CSMD2: variants seen among roughly 807,000 people sequenced by gnomAD.
CSMD2 encodes CUB and sushi domain-containing protein 2.
CSMD2 carries 130 observed loss-of-function variants against 398.5 expected under a neutral mutation model. That is an observed-to-expected ratio of 0.33 (90% CI 0.28 to 0.38). The LOEUF (loss-of-function observed/expected upper bound fraction) is 0.38, where lower values mean the gene tolerates loss of function less well. CSMD2 is among the 10% of genes least tolerant of loss of function. The probability of loss-of-function intolerance (pLI) is 1.00; values close to 1 mark genes in which losing one functional copy is unlikely to be tolerated. For synonymous variants in CSMD2, 1,828 were observed against 1,908.5 expected (o/e 0.96, Z 1.10); for missense variants, 3,829 against 4,764.9 (o/e 0.80, Z 5.78).
At chr1:34,092,243 G>A (rs918033310) in intron 1 of CSMD2, among the ~76,000 whole-genome samples, 3 of 152,146 alleles carry the variant, frequency 2.0e-5, no homozygotes, top group African/African-American at 7.2e-5. Flanking sequence ...AATCTTGAGT[G>A]GATACAGAAA....
At chr1:33,783,382 C>G (rs1390650162) in intron 12 of CSMD2, among the ~76,000 whole-genome samples, 1 of 151,516 alleles carries the variant, frequency 6.6e-6, no homozygotes, top group Non-Finnish European at 1.5e-5. Flanking sequence ...GGGCCCCGAT[C>G]TGAGAGGATG....
At chr1:34,055,544 C>G (rs1299403172) in intron 2 of CSMD2, among the ~76,000 whole-genome samples, 5 of 152,138 alleles carry the variant, frequency 3.3e-5, no homozygotes, top group African/African-American at 1.2e-4. Context: ...GCTAATGTGG[C>G]TCATAGGACT....
chr1:33,822,185 C>T (rs1412090364), intron 7 of CSMD2, among the ~76,000 whole-genome samples: 2 of 152,060 alleles, frequency 1.3e-5, no homozygotes, highest in Non-Finnish European at 2.9e-5. Context: ...CAACAAGAGC[C>T]TGGAGTGAGG....
chr1:33,915,536 T>C (rs1643678680), intron 5 of CSMD2, among the ~76,000 whole-genome samples: 1 of 152,208 alleles, frequency 6.6e-6, no homozygotes, highest in Non-Finnish European at 1.5e-5. Context: ...CCTTCCCCAC[T>C]GAGTGACTTA....
chr1:33,900,563 G>A (rs1173930978), intron 5 of CSMD2, among the ~76,000 whole-genome samples: 1 of 152,212 alleles, frequency 6.6e-6, no homozygotes, highest in African/African-American at 2.4e-5. Context: ...GATCACCTGA[G>A]GTTAGGAGTT....
intron 3 of CSMD2, among the ~76,000 whole-genome samples, chr1:33,997,472 C>T (rs494514): frequency 0.025 from 3,823 of 152,222 alleles, 157 homozygotes; most frequent in African/African-American, 0.085. Flanking sequence ...ATGTTGGGAC[C>T]GCATCCCAGC....
chr1:33,893,730 T>C (rs1642200637), intron 5 of CSMD2, among the ~76,000 whole-genome samples: 1 of 152,224 alleles, frequency 6.6e-6, no homozygotes, highest in Admixed American at 6.5e-5. Context: ...CAGCAGACTG[T>C]CTTGCATTCC....
At chr1:33,881,330 G>A (rs1393070561) in intron 5 of CSMD2, among the ~76,000 whole-genome samples, 1 of 152,160 alleles carries the variant, frequency 6.6e-6, no homozygotes, top group Non-Finnish European at 1.5e-5. Context: ...TACTAAATAA[G>A]TAATTATTAA....
intron 1 of CSMD2, among the ~76,000 whole-genome samples, chr1:34,133,468 T>C (rs1638360544): frequency 6.6e-6 from 1 of 151,838 alleles, no homozygotes; most frequent in Admixed American, 6.6e-5. Context: ...CTGTCTCTAC[T>C]AAAAATACAA....
intron 2 of CSMD2, among the ~76,000 whole-genome samples, chr1:34,037,748 C>T (rs987518579): frequency 6.6e-6 from 1 of 152,220 alleles, no homozygotes; most frequent in Non-Finnish European, 1.5e-5. Context: ...ATGAAGTCCT[C>T]TCTGAGAATG....
At chr1:33,558,281 C>T (rs956040036) in intron 54 of CSMD2, among the ~76,000 whole-genome samples, 10 of 152,232 alleles carry the variant, frequency 6.6e-5, no homozygotes, top group African/African-American at 1.9e-4. Context: ...CACAATGTGC[C>T]TCCCACAGCA....
rs142118942 is a variant in CSMD2 at position 33,786,867 on chromosome 1, G to A, written c.1663+1733C>T. Among the ~76,000 whole-genome samples the A allele has an allele frequency of 3.0e-3, 452 of 152,334 alleles. 2 individuals carry two copies. The highest frequency in any genetic ancestry group is 0.01 in the African/African-American group (436 of 41,568). On this transcript the variant is annotated intron_variant, in intron 12 of 70. Coordinates refer to ENST00000373381, the MANE Select transcript of CSMD2 (RefSeq NM_001281956.2). ...ATCATTGTATGACATTGTTAGTGTA[G>A]TATGGGCTAGCCTCCTGTTATGGGG...
intron 29 of CSMD2, among the ~76,000 whole-genome samples, chr1:33,642,106 G>A (rs1206366788): frequency 1.3e-5 from 2 of 152,000 alleles, no homozygotes; most frequent in Non-Finnish European, 2.9e-5. Flanking sequence ...TCACACTTTG[G>A]GAGGCCAAGG....
At chr1:33,576,118 T>A (rs1481042838) in intron 49 of CSMD2, among the ~76,000 whole-genome samples, 1 of 152,218 alleles carries the variant, frequency 6.6e-6, no homozygotes, top group Admixed American at 6.5e-5. Flanking sequence ...GATGCGAGAA[T>A]CTCATTTCTG....
At chr1:33,600,276 T>C (rs987457203) in intron 44 of CSMD2, 1 of 663,456 alleles carries the variant, frequency 1.5e-6, no homozygotes, top group African/African-American at 1.8e-5. Flanking sequence ...ATTCCATAGA[T>C]AGGCACAAGT....
chr1:33,723,971 G>T (rs1646441008), intron 19 of CSMD2, among the ~76,000 whole-genome samples: 2 of 152,190 alleles, frequency 1.3e-5, no homozygotes, highest in African/African-American at 2.4e-5. Flanking sequence ...ACCTCTAAGA[G>T]CTCTTCCAGC....
intron 3 of CSMD2, among the ~76,000 whole-genome samples, chr1:34,024,969 C>A (rs1311607145): frequency 1.3e-5 from 2 of 152,272 alleles, no homozygotes; most frequent in African/African-American, 4.8e-5. Flanking sequence ...AGGAAAGGCC[C>A]ATTTCTCCCA....
At chr1:33,755,846 G>GC (rs1648923426) in intron 13 of CSMD2, among the ~76,000 whole-genome samples, 1 of 150,372 alleles carries the variant, frequency 6.7e-6, no homozygotes. Flanking sequence ...ATGTGTGTGT[G>GC]CGGGGGGAGG....
intron 57 of CSMD2, among the ~76,000 whole-genome samples, chr1:33,543,323 G>A (rs1367676026): frequency 6.6e-6 from 1 of 152,152 alleles, no homozygotes; most frequent in East Asian, 1.9e-4. Context: ...GATTATTTCT[G>A]CTTCTATAAT....
Sources: allele counts gnomAD v4.1 joint callset (sites outside exome capture counted in the v4.1 genomes callset), GRCh38; gene constraint gnomAD v4.1.1; transcripts MANE v1.5; gene names NCBI Gene and HGNC (gene_info 2026-07-23, HGNC 2026-07-21).